Variants in KCTD19 observed in about 807,000 individuals in gnomAD.
The protein encoded by KCTD19 is potassium channel tetramerization domain containing 19.
KCTD19 carries 67 observed loss-of-function variants against 103.5 expected under a neutral mutation model. The observed-to-expected ratio is 0.65, with a 90% CI of 0.53 to 0.79. The LOEUF (loss-of-function observed/expected upper bound fraction) is 0.79. Ranked by LOEUF, KCTD19 falls within the 30% of genes least tolerant of loss-of-function variation. KCTD19 has a pLI of 0.00. For synonymous variants in KCTD19, 439 were observed against 452.2 expected (o/e 0.97, Z 0.37); for missense variants, 980 against 1,136.1 (o/e 0.86, Z 1.98).
At chr16:67,290,792 C>T in intron 15 of KCTD19, 93 bp downstream of exon 15, 1 of 1,140,386 alleles carries the variant, frequency 8.8e-7, no homozygotes, top group Non-Finnish European at 1.2e-6. Flanking sequence ...GCCTTCTGGG[C>T]AGTGCTGGCC....
At chr16:67,291,583 T>C in intron 13 of KCTD19, 63 bp downstream of exon 13, 1 of 1,577,600 alleles carries the variant, frequency 6.3e-7, no homozygotes, top group Non-Finnish European at 8.6e-7. Flanking sequence ...TGAAGTACCC[T>C]GGGAGGGGGC....
Position 67,320,950 on chromosome 16 carries a change from A to G in KCTD19, c.4-65T>C. 1 of 1,375,564 alleles carries G rather than the reference A, an allele frequency of 7.3e-7. No individual in the cohort carries two copies. The highest frequency in any genetic ancestry group is 9.9e-7 in the Non-Finnish European group (1 of 1,010,156). 85.2% of individuals were successfully genotyped at this position (1,375,564 alleles called of 1,614,324 possible). ...AAATAAAAAGGCATCCAGATTGAAAAGGTAGAAATAAACTATCTCTGTTTG... is the reference window on the plus strand; with the variant it reads ...AAATAAAAAGGCATCCAGATTGAAAGGGTAGAAATAAACTATCTCTGTTTG... On this transcript the variant is annotated intron_variant, in intron 1 of 15. Coordinates refer to ENST00000304372, the MANE Select transcript of KCTD19 (RefSeq NM_001100915.3). This position sits in a 1 kb window ranked among gnomAD's most constrained non-coding sequence, Gnocchi z 4.0.
intron 2 of KCTD19, among the ~76,000 whole-genome samples, chr16:67,310,353 A>G (rs1373650903): frequency 6.6e-6 from 1 of 152,256 alleles, no homozygotes; most frequent in Non-Finnish European, 1.5e-5. Flanking sequence ...AGAACACTCC[A>G]GAGAGCCTGG....
rs768407149 is a variant in KCTD19 at position 67,303,115 on chromosome 16, C to A, written c.643+31G>T. 4 of 427,870 alleles carry A rather than the reference C, an allele frequency of 9.3e-6. No homozygotes were observed. The highest frequency in any genetic ancestry group is 3.6e-5 in the South Asian group (2 of 56,058). 26.5% of individuals were successfully genotyped at this position (427,870 alleles called of 1,614,324 possible). ...GGGGTGAATGGGCCCTATCAGCCCG[C>A]CCCCCACCCCACCCCGGACAGAGCA... On this transcript the variant is annotated intron_variant, in intron 4 of 15. Transcript: ENST00000304372. The surrounding 1 kb of genome is among the most constrained non-coding windows in gnomAD (Gnocchi z 4.3).
intron 7 of KCTD19, 110 bp downstream of exon 7, chr16:67,297,393 C>T (rs1016287514): frequency 4.5e-6 from 5 of 1,108,852 alleles, no homozygotes; most frequent in Non-Finnish European, 5.2e-6. Context: ...GCCTGGCTTT[C>T]CCCTCCTCCT....
At chr16:67,319,862 A>T (rs2037053144) in intron 2 of KCTD19, among the ~76,000 whole-genome samples, 2 of 151,950 alleles carry the variant, frequency 1.3e-5, no homozygotes, top group African/African-American at 4.8e-5. Flanking sequence ...ACACAATGAG[A>T]GGTGATATTC....
In KCTD19 at chr16:67,320,790, C is replaced by A. The variant is rs1287582660; in HGVS notation, c.99G>T (p.Gln33His). Reference protein sequence around the residue: ...HFSVPRSKLSQFPDSLLWKEA... With the variant: ...HFSVPRSKLSHFPDSLLWKEA... ...CTTTCCACAGCAGGGAGTCTGGAAA[C>A]TGAGAGAGTTTGCTTCTGGGAACTG... Residue 33 changes from glutamine (Q) to histidine (H), a missense_variant, in exon 2 of 16, where the codon CAG becomes CAT. Gln to His is a conservative substitution (Grantham distance 24, BLOSUM62 0). Transcript: ENST00000304372. The surrounding 1 kb of genome is among the most constrained non-coding windows in gnomAD (Gnocchi z 4.0). 2 of 1,614,056 alleles carry A rather than the reference C, an allele frequency of 1.2e-6. No homozygotes were observed. Among genetic ancestry groups the A allele is most frequent in the African/African-American group, 2.7e-5 (2 of 74,932 alleles).
intron 7 of KCTD19, 62 bp downstream of exon 7, chr16:67,297,441 C>A: frequency 6.7e-7 from 1 of 1,497,532 alleles, no homozygotes; most frequent in Non-Finnish European, 9.2e-7. Flanking sequence ...ATCATCTATT[C>A]CCTCCAATCT....
chr16:67,290,174 T>C (rs1328396099), intron 15 of KCTD19, among the ~76,000 whole-genome samples: 3 of 130,502 alleles, frequency 2.3e-5, no homozygotes, highest in East Asian at 2.2e-4. Context: ...TTTCTTTTTT[T>C]TTTTTTTTTT....
rs1212843231 is a variant in KCTD19, at chr16:67,308,521, A to C, written c.301-3950T>G. ...TTCTTTATGTTTACACCCCATCATC[A>C]GTGACACTAAACTCCACAAAACTCC... is the stretch of plus-strand genomic sequence containing the variant. On this transcript the variant is annotated intron_variant, in intron 2 of 15. Coordinates refer to ENST00000304372, the MANE Select transcript of KCTD19 (RefSeq NM_001100915.3). 3.3e-5 allele frequency among the ~76,000 whole-genome samples: 5 copies of C among 152,152 alleles called. No homozygotes were observed. In the East Asian group the frequency reaches 7.7e-4, roughly 24 times the overall value.
intron 2 of KCTD19, among the ~76,000 whole-genome samples, chr16:67,308,351 GA>G (rs1401956550): frequency 6.6e-6 from 1 of 151,846 alleles, no homozygotes; most frequent in East Asian, 1.9e-4. Context: ...TTTTTGTAGA[GA>G]TGAGGTCTTG....
chr16:67,325,199 C>CTTTTCTT (rs2037125184), intron 1 of KCTD19, among the ~76,000 whole-genome samples: 1 of 132,334 alleles, frequency 7.6e-6, no homozygotes, highest in African/African-American at 3.4e-5. Flanking sequence ...TTCTTTTTTT[C>CTTTTCTT]TTTTTTTCTT....
At chr16:67,310,803 A>G (rs1231607093) in intron 2 of KCTD19, among the ~76,000 whole-genome samples, 7 of 152,206 alleles carry the variant, frequency 4.6e-5, no homozygotes, top group Non-Finnish European at 8.8e-5. Flanking sequence ...GCTGTTGGAA[A>G]GAATGTGATG....
rs1171765905 is a variant in KCTD19 at position 67,289,614 on chromosome 16, C to G, written c.2736G>C (p.Arg912Ser). 2 of 1,614,022 alleles carry G rather than the reference C, an allele frequency of 1.2e-6. No individual in the cohort carries two copies. Among genetic ancestry groups the G allele is most frequent in the Non-Finnish European group, 1.7e-6 (2 of 1,180,026 alleles). The change falls in exon 16 of 16, where the codon AGG becomes AGC. Residue 912 changes from arginine to serine, a missense_variant. By Grantham distance (110) the Arg-to-Ser change is moderately radical (BLOSUM62 -1). Transcript: ENST00000304372. The part of the protein sequence containing the change: ...MDLLIQRGLS[R>S]SVSYSILGKY... The stretch of plus-strand genomic sequence containing the variant: ...TTCCCAGGATGGAGTAAGAGACAGA[C>G]CTAGACAGGCCCCTCTGGATGAGCA...
chr16:67,297,569 C>T lies in KCTD19; in HGVS notation c.1081G>A (p.Glu361Lys), dbSNP rs370111988. 4.3e-6 allele frequency: 7 copies of T among 1,613,950 alleles called. No homozygotes were observed. The highest frequency in any genetic ancestry group is 1.3e-5 in the African/African-American group (1 of 74,866). Residue 361 changes from glutamate to lysine, a missense_variant, in exon 7 of 16, where the codon GAG (glutamate) becomes AAG (lysine). By Grantham distance (56) the Glu-to-Lys change is moderately conservative. Transcript: ENST00000304372. ...GTCTTCAAAGCAACTTTGATTGGCT[C>T]GTAGGTGATGTCCCTTTTGTCTAGG... ...AFLDKRDITY[E>K]PIKVALKTHL... is the part of the protein sequence containing the mutation.
At chr16:67,308,952 G>A (rs1195511277) in intron 2 of KCTD19, among the ~76,000 whole-genome samples, 2 of 151,970 alleles carry the variant, frequency 1.3e-5, no homozygotes, top group Non-Finnish European at 2.9e-5. Flanking sequence ...GGCCAACATG[G>A]CAAAACCCCA....
intron 1 of KCTD19, among the ~76,000 whole-genome samples, chr16:67,324,691 A>G (rs1169496802): frequency 2.0e-5 from 3 of 152,218 alleles, no homozygotes; most frequent in African/African-American, 7.2e-5. Flanking sequence ...TGCATTTCCC[A>G]TTCTGACAGC....
chr16:67,293,902 C>T lies in KCTD19; in HGVS notation c.1860G>A (p.Gln620=), dbSNP rs761112874. The T allele has an allele frequency of 9.3e-6, 15 of 1,613,442 alleles. No homozygotes were observed. In the East Asian group the frequency reaches 3.1e-4, roughly 34 times the overall value. The part of the protein sequence containing the change: ...KKKCTTINLT[Q]KSETKDPPAT... ...CGGGAGGGTCTTTGGTTTCAGATTT[C>T]TGTGTGAGGTTGATTGTGGTGCATT... is the stretch of plus-strand genomic sequence containing the variant. The change falls in exon 12 of 16, where the codon CAG becomes CAA. Residue 620 remains glutamine (Q), a synonymous_variant. Coordinates refer to ENST00000304372, the MANE Select transcript of KCTD19 (RefSeq NM_001100915.3). The surrounding 1 kb of genome is among the most constrained non-coding windows in gnomAD (Gnocchi z 4.0).
chr16:67,302,045 T>C (rs1241104970), intron 4 of KCTD19, 123 bp from the exon 5 acceptor site: 2 of 825,816 alleles, frequency 2.4e-6, no homozygotes, highest in Non-Finnish European at 4.0e-6. Flanking sequence ...CTGAAACAAC[T>C]TATCAACATA....
Sources: gnomAD v4.1 joint callset for allele counts (sites outside exome capture counted in the v4.1 genomes callset) on GRCh38, gnomAD v4.1.1 for gene constraint, Gnocchi (gnomAD v3.1) non-coding constraint, MANE v1.5 for transcripts, NCBI Gene and HGNC (gene_info 2026-07-23, HGNC 2026-07-21) for gene names.